Variants in HHAT observed in about 807,000 individuals in gnomAD.
HHAT encodes hedgehog acyltransferase.
Under a neutral mutation model 70.8 loss-of-function variants are expected in HHAT, and 47 were observed. The ratio of observed to expected loss-of-function variants is 0.66; its 90% confidence interval spans 0.53 to 0.85. The LOEUF is 0.85. Among genes scored for constraint, HHAT ranks in the 40% least tolerant of loss-of-function variants. The pLI is 0.00. For missense variants in HHAT, 609 were observed against 604.8 expected (o/e 1.01, Z -0.07); for synonymous variants, 228 against 247.6 (o/e 0.92, Z 0.74).
At chr1:210,392,065 T>C (rs2091494888) in intron 4 of HHAT, among the ~76,000 whole-genome samples, 1 of 152,164 alleles carries the variant, frequency 6.6e-6, no homozygotes, top group Non-Finnish European at 1.5e-5. Context: ...GACGAGATCT[T>C]GCTGTATTGC....
intron 11 of HHAT, among the ~76,000 whole-genome samples, chr1:210,652,166 G>A (rs986813207): frequency 2.0e-5 from 3 of 152,084 alleles, no homozygotes; most frequent in African/African-American, 7.2e-5. Context: ...GATGATAGAT[G>A]GAATAGAGGG....
At chr1:210,357,769 G>A (rs1014868464) in intron 2 of HHAT, among the ~76,000 whole-genome samples, 8 of 152,252 alleles carry the variant, frequency 5.3e-5, no homozygotes, top group Admixed American at 2.6e-4. Context: ...GCGGTGAGCC[G>A]AGTTCGCACC....
At chr1:210,651,746 A>G (rs61827420) in intron 11 of HHAT, among the ~76,000 whole-genome samples, 7,277 of 152,318 alleles carry the variant, frequency 0.048, 271 homozygotes, top group Non-Finnish European at 0.075. Flanking sequence ...GGAATTGCTC[A>G]GAATTGAGAT....
intron 8 of HHAT, among the ~76,000 whole-genome samples, chr1:210,491,895 T>C (rs2094557694): frequency 6.6e-6 from 1 of 152,162 alleles, no homozygotes; most frequent in Middle Eastern, 3.2e-3. Flanking sequence ...CCCAAGTAGC[T>C]GGGACTATAG....
chr1:210,447,996 C>T (rs959420010), intron 7 of HHAT, among the ~76,000 whole-genome samples: 9 of 151,840 alleles, frequency 5.9e-5, no homozygotes, highest in Non-Finnish European at 1.2e-4. Context: ...CCAGCTGCCT[C>T]GATCAGGGAC....
chr1:210,483,940 A>G (rs966714957), intron 8 of HHAT, among the ~76,000 whole-genome samples: 1 of 152,174 alleles, frequency 6.6e-6, no homozygotes, highest in African/African-American at 2.4e-5. Flanking sequence ...CAATTCAGGG[A>G]AAAAAATACT....
intron 2 of HHAT, among the ~76,000 whole-genome samples, chr1:210,360,192 G>T (rs910376489): frequency 1.3e-5 from 2 of 152,118 alleles, no homozygotes; most frequent in South Asian, 4.1e-4. Context: ...AACAGGTCAT[G>T]AATGGATTTA....
At chr1:210,339,918 T>C (rs1349730346) in intron 1 of HHAT, among the ~76,000 whole-genome samples, 1 of 152,188 alleles carries the variant, frequency 6.6e-6, no homozygotes, top group Admixed American at 6.5e-5. Flanking sequence ...TAATTAGACT[T>C]TTTTCCCCAC....
chr1:210,494,471 T>C (rs961600012), intron 8 of HHAT, among the ~76,000 whole-genome samples: 2 of 146,974 alleles, frequency 1.4e-5, no homozygotes, highest in Non-Finnish European at 3.0e-5. Context: ...GGAGTTGCCA[T>C]CAACTGAGAT....
At chr1:210,632,462 A>G (rs1671062388) in intron 11 of HHAT, among the ~76,000 whole-genome samples, 1 of 152,206 alleles carries the variant, frequency 6.6e-6, no homozygotes, top group Non-Finnish European at 1.5e-5. Flanking sequence ...TGATGTTTAC[A>G]TGGCATGAGG....
chr1:210,584,724 C>T (rs866000869), intron 9 of HHAT, among the ~76,000 whole-genome samples: 2 of 152,198 alleles, frequency 1.3e-5, no homozygotes, highest in Non-Finnish European at 2.9e-5. Flanking sequence ...GCCTCCTTTG[C>T]CCCACTGTCT....
chr1:210,599,470 C>T (rs991774133), intron 10 of HHAT, among the ~76,000 whole-genome samples: 3 of 152,134 alleles, frequency 2.0e-5, no homozygotes, highest in Admixed American at 2.0e-4. Flanking sequence ...TGACCCCCTG[C>T]CTCCCAGTAA....
intron 8 of HHAT, among the ~76,000 whole-genome samples, chr1:210,498,840 G>C (rs1472531483): frequency 2.7e-5 from 4 of 148,630 alleles, no homozygotes; most frequent in African/African-American, 7.5e-5. Flanking sequence ...TGCGATCTCA[G>C]CTCACTGCAA....
At chr1:210,563,440 C>T (rs2095641940) in intron 9 of HHAT, among the ~76,000 whole-genome samples, 1 of 152,062 alleles carries the variant, frequency 6.6e-6, no homozygotes, top group Non-Finnish European at 1.5e-5. Context: ...GGGTGGAAGG[C>T]AGTTTATGGG....
At chr1:210,345,227 G>GCTT (rs2086413311) in intron 1 of HHAT, among the ~76,000 whole-genome samples, 1 of 152,118 alleles carries the variant, frequency 6.6e-6, no homozygotes, top group African/African-American at 2.4e-5. Context: ...TTTGCATCCT[G>GCTT]AGCTGCTGGA....
chr1:210,348,107 C>T (rs1455447211), intron 1 of HHAT, among the ~76,000 whole-genome samples: 2 of 152,170 alleles, frequency 1.3e-5, no homozygotes, highest in East Asian at 3.9e-4. Flanking sequence ...AGGCCTGGCA[C>T]AGTGGCTTGT....
intron 11 of HHAT, among the ~76,000 whole-genome samples, chr1:210,637,555 A>T (rs1306526939): frequency 6.6e-6 from 1 of 152,194 alleles, no homozygotes; most frequent in East Asian, 1.9e-4. Context: ...GATAAAAAAG[A>T]CAAATCACCC....
chr1:210,547,108 T>A (rs2095490333), intron 9 of HHAT, among the ~76,000 whole-genome samples: 1 of 152,056 alleles, frequency 6.6e-6, no homozygotes, highest in Non-Finnish European at 1.5e-5. Context: ...GGTGGGTGGA[T>A]CTCCTGAGGT....
intron 7 of HHAT, among the ~76,000 whole-genome samples, chr1:210,435,633 T>A (rs374176237): frequency 2.0e-5 from 3 of 151,848 alleles, no homozygotes; most frequent in African/African-American, 7.3e-5. Flanking sequence ...CACCAGCATC[T>A]GTTATTTTTT....
Sources: allele counts gnomAD v4.1 joint callset (sites outside exome capture counted in the v4.1 genomes callset), GRCh38; gene constraint gnomAD v4.1.1; transcripts MANE v1.5; gene names NCBI Gene and HGNC (gene_info 2026-07-23, HGNC 2026-07-21).